Variants in CTNND2 observed in about 807,000 individuals in gnomAD.
CTNND2 encodes catenin delta 2, also known as catenin delta-2.
In CTNND2, 22 loss-of-function variants were observed where a neutral mutation model predicts 144.4. The observed-to-expected ratio is 0.15, with a 90% CI of 0.11 to 0.22. The LOEUF is 0.22. CTNND2 is among the 10% of genes least tolerant of loss of function. The probability of loss-of-function intolerance (pLI) is 1.00; values close to 1 mark genes in which losing one functional copy is unlikely to be tolerated. For synonymous variants in CTNND2, 751 were observed against 695.6 expected (o/e 1.08, Z -1.25); for missense variants, 1,353 against 1,618.8 (o/e 0.84, Z 2.82).
chr5:11,578,417 C>T (rs1193265473), intron 2 of CTNND2, among the ~76,000 whole-genome samples: 1 of 151,930 alleles, frequency 6.6e-6, no homozygotes, highest in Non-Finnish European at 1.5e-5. Flanking sequence ...AATCCTAGCA[C>T]TTTGGGAGGC....
At chr5:11,288,878 C>G (rs540957621) in intron 9 of CTNND2, among the ~76,000 whole-genome samples, 1 of 151,848 alleles carries the variant, frequency 6.6e-6, no homozygotes, top group African/African-American at 2.4e-5. Context: ...AAAAGAGATT[C>G]TGTACTGCAA....
intron 10 of CTNND2, among the ~76,000 whole-genome samples, chr5:11,207,324 G>A (rs1738152372): frequency 6.6e-6 from 1 of 150,724 alleles, no homozygotes; most frequent in South Asian, 2.1e-4. Flanking sequence ...AACATGGCAT[G>A]TGTATATCTA....
intron 1 of CTNND2, among the ~76,000 whole-genome samples, chr5:11,902,467 A>G (rs1488168789): frequency 6.6e-6 from 1 of 152,174 alleles, no homozygotes; most frequent in East Asian, 1.9e-4. Context: ...TAGGTGAATG[A>G]CCAGCAGCAG....
intron 2 of CTNND2, among the ~76,000 whole-genome samples, chr5:11,642,298 AAAT>A (rs1782107546): frequency 6.6e-6 from 1 of 152,208 alleles, no homozygotes; most frequent in Non-Finnish European, 1.5e-5. Flanking sequence ...GGCAGAACAT[AAAT>A]AATATTATAA....
At chr5:11,891,727 G>A (rs149278538) in intron 1 of CTNND2, among the ~76,000 whole-genome samples, 2 of 152,278 alleles carry the variant, frequency 1.3e-5, no homozygotes, top group East Asian at 3.9e-4. Flanking sequence ...AGACATTCCA[G>A]CCTCTAAAAC....
intron 3 of CTNND2, among the ~76,000 whole-genome samples, chr5:11,530,613 C>T (rs950654077): frequency 3.3e-5 from 5 of 152,152 alleles, no homozygotes; most frequent in African/African-American, 1.2e-4. Flanking sequence ...CTTCAGACCT[C>T]CAGGCCTCAG....
chr5:11,828,759 C>T (rs1793735603), intron 1 of CTNND2, among the ~76,000 whole-genome samples: 1 of 152,002 alleles, frequency 6.6e-6, no homozygotes, highest in South Asian at 2.1e-4. Flanking sequence ...TAAATTGGTA[C>T]CAGGAGTGGG....
chr5:11,259,615 G>A (rs548382623), intron 9 of CTNND2, among the ~76,000 whole-genome samples: 51 of 152,298 alleles, frequency 3.3e-4, no homozygotes, highest in Non-Finnish European at 6.2e-4. Context: ...GGGGTGGTTG[G>A]TTATGCAGCA....
chr5:11,687,116 G>C (rs1784688738), intron 2 of CTNND2, among the ~76,000 whole-genome samples: 1 of 151,938 alleles, frequency 6.6e-6, no homozygotes, highest in Admixed American at 6.6e-5. Flanking sequence ...TTGTTGCCTG[G>C]ACTACTCCAA....
intron 9 of CTNND2, among the ~76,000 whole-genome samples, chr5:11,289,786 C>T (rs1035708659): frequency 6.6e-6 from 1 of 152,204 alleles, no homozygotes; most frequent in Admixed American, 6.5e-5. Flanking sequence ...CCTCTCATCT[C>T]TTCTAAGGCC....
intron 5 of CTNND2, among the ~76,000 whole-genome samples, chr5:11,406,654 G>A (rs1300691161): frequency 6.6e-6 from 1 of 151,914 alleles, no homozygotes; most frequent in Non-Finnish European, 1.5e-5. Context: ...TATATTCACA[G>A]TAATCAAAAT....
chr5:11,367,664 C>A (rs1462983714), intron 7 of CTNND2, among the ~76,000 whole-genome samples: 1 of 152,176 alleles, frequency 6.6e-6, no homozygotes, highest in Non-Finnish European at 1.5e-5. Flanking sequence ...GGAGAAAATT[C>A]AACTTTGTCT....
intron 3 of CTNND2, among the ~76,000 whole-genome samples, chr5:11,561,469 A>G (rs1231961082): frequency 6.6e-6 from 1 of 152,210 alleles, no homozygotes; most frequent in Non-Finnish European, 1.5e-5. Flanking sequence ...CAATCACTAA[A>G]CAGTCTGAAT....
intron 3 of CTNND2, among the ~76,000 whole-genome samples, chr5:11,412,376 T>A (rs533590251): frequency 1.1e-4 from 17 of 152,284 alleles, no homozygotes; most frequent in African/African-American, 1.9e-4. Flanking sequence ...TCTCTATACA[T>A]GCAGTTTTAC....
chr5:11,192,777 C>T (rs1345695186), intron 11 of CTNND2, among the ~76,000 whole-genome samples: 1 of 152,164 alleles, frequency 6.6e-6, no homozygotes, highest in Non-Finnish European at 1.5e-5. Context: ...TGTGTCAGGC[C>T]TGTAACCTCC....
intron 2 of CTNND2, among the ~76,000 whole-genome samples, chr5:11,602,041 C>T (rs1475534032): frequency 2.6e-5 from 4 of 152,044 alleles, no homozygotes; most frequent in Non-Finnish European, 4.4e-5. Context: ...GCAGGCATTC[C>T]TCCAAGAGGG....
chr5:11,016,516 A>G (rs1741615802), intron 18 of CTNND2, among the ~76,000 whole-genome samples: 1 of 152,148 alleles, frequency 6.6e-6, no homozygotes, highest in African/African-American at 2.4e-5. Context: ...TGAGCCCCTT[A>G]CTGTGGTCCC....
chr5:11,447,633 G>A (rs4701912), intron 3 of CTNND2, among the ~76,000 whole-genome samples: 1,891 of 152,266 alleles, frequency 0.012, 141 homozygotes, highest in Admixed American at 0.11. Flanking sequence ...TGAAACTTAA[G>A]AGAGTTGGGA....
Position 11,346,440 on chromosome 5 carries a change from G to C in CTNND2, c.1560C>G (p.Gly520=), listed in dbSNP as rs1461634192. The C allele has an allele frequency of 1.9e-6, 3 of 1,565,938 alleles. No homozygotes were observed. The highest frequency in any genetic ancestry group is 1.2e-5 in the South Asian group (1 of 85,332). The stretch of plus-strand genomic sequence containing the variant: ...AGGTGCCTTCAGGCGGGAGAGCAGG[G>C]CCGGATTTGCTGTATGGAGACTCAA... ...PSVESPYSKS[G]PALPPEGTLA... The change falls in exon 9 of 22, where the codon GGC becomes GGG. Residue 520 remains glycine (G), a synonymous_variant. Coordinates refer to ENST00000304623, the MANE Select transcript of CTNND2 (RefSeq NM_001332.4).
Sources: gnomAD v4.1 joint callset for allele counts (sites outside exome capture counted in the v4.1 genomes callset) on GRCh38, gnomAD v4.1.1 for gene constraint, MANE v1.5 for transcripts, NCBI Gene and HGNC (gene_info 2026-07-23, HGNC 2026-07-21) for gene names.